Variants in FAN1 observed in about 807,000 individuals in gnomAD.
The protein encoded by FAN1 is fanconi-associated nuclease 1.
FAN1 carries 91 observed loss-of-function variants against 104.9 expected under a neutral mutation model. That is an observed-to-expected ratio of 0.87 (90% confidence interval 0.73 to 1.03). The LOEUF is 1.03. Ranked by LOEUF, FAN1 falls within the 50% of genes least tolerant of loss-of-function variation. The pLI is 0.00. For synonymous variants in FAN1, 478 were observed against 457.6 expected (o/e 1.04, Z -0.57); for missense variants, 1,263 against 1,239.9 (o/e 1.02, Z -0.28).
chr15:30,930,476 TC>T lies in FAN1; in HGVS notation c.2788-64del. The T allele has an allele frequency of 2.0e-6, 3 of 1,529,600 alleles. No individual in the cohort carries two copies. In the East Asian group the frequency reaches 6.9e-5, roughly 35 times the overall value. The allele number at this position is 1,529,600 out of a possible 1,614,324, so 94.8% of individuals were successfully genotyped here. A position where few individuals can be genotyped will look rare whatever the true frequency, so the allele number is the denominator to read the frequency against. On this transcript the variant is annotated intron_variant, in intron 12 of 14. Coordinates refer to ENST00000362065, the MANE Select transcript of FAN1 (RefSeq NM_014967.5). Reference sequence around the variant, plus strand: ...CACTGAGCTTTTCTCCGTCTCGTGATCCCTGGAGCCTATTTCCATTCTCTGT... The same window carrying T: ...CACTGAGCTTTTCTCCGTCTCGTGATCCTGGAGCCTATTTCCATTCTCTGT...
At position 30,920,635 on chromosome 15, in the gene FAN1, G is replaced by C. The variant is rs2062306313; in HGVS notation, c.2034G>C (p.Gln678His). The C allele has an allele frequency of 1.2e-6, 2 of 1,608,072 alleles. No homozygotes were observed. Among genetic ancestry groups the C allele is most frequent in the Non-Finnish European group, 1.7e-6 (2 of 1,175,320 alleles). ...TGTCTCGGTTTGTGGAAATACTGCA[G>C]AGACTTCACATGTATGAGGTTAGAG... ...RILSRFVEILQRLHMYEEAVR... is the reference protein window; with the variant it reads ...RILSRFVEILHRLHMYEEAVR... Residue 678 changes from glutamine (Q) to histidine (H), a missense_variant, in exon 7 of 15, where the codon CAG becomes CAC. Around this residue, in one of 2 missense-constraint regions of FAN1, gnomAD observed 581 missense variants for 668.8 expected, o/e 0.87. Coordinates refer to ENST00000362065, the MANE Select transcript of FAN1 (RefSeq NM_014967.5).
At chr15:30,913,689 C>T (rs1420571241) in intron 4 of FAN1, among the ~76,000 whole-genome samples, 169 bp from the exon 5 acceptor site, 1 of 152,198 alleles carries the variant, frequency 6.6e-6, no homozygotes, top group African/African-American at 2.4e-5. Context: ...CATTCATTTA[C>T]TCCTGTGTAT....
intron 8 of FAN1, among the ~76,000 whole-genome samples, 179 bp downstream of exon 8, chr15:30,922,533 A>G (rs2062359265): frequency 6.6e-6 from 1 of 152,328 alleles, no homozygotes; most frequent in African/African-American, 2.4e-5. Context: ...CCAGCACAGC[A>G]TGAGCATAGA....
In FAN1 at chr15:30,908,114, G is replaced by C. The variant is rs753840240; in HGVS notation, c.1235-4G>C. The C allele has an allele frequency of 6.3e-7, 1 of 1,588,200 alleles. No individual in the cohort carries two copies. Among genetic ancestry groups the C allele is most frequent in the East Asian group, 2.2e-5 (1 of 44,470 alleles). On this transcript the variant is annotated splice_region_variant and splice_polypyrimidine_tract_variant and intron_variant, in intron 2 of 14. Transcript: ENST00000362065. ...TTTCAACATTTTTCTTAACTTTATT[G>C]CAGCTACTGGTCAGAAGTTATATGT...
intron 4 of FAN1, among the ~76,000 whole-genome samples, chr15:30,912,349 C>T (rs2062117159): frequency 6.6e-6 from 1 of 152,222 alleles, no homozygotes; most frequent in Non-Finnish European, 1.5e-5. Flanking sequence ...ACAGAAACAG[C>T]CACATTATTA....
At chr15:30,941,461 C>T in intron 14 of FAN1, 105 bp from the exon 15 acceptor site, 1 of 1,591,166 alleles carries the variant, frequency 6.3e-7, no homozygotes. Flanking sequence ...GTTCAGAAAA[C>T]ACCCTATTTT....
intron 8 of FAN1, 29 bp from the exon 9 acceptor site, chr15:30,925,098 G>A (rs777629384): frequency 1.2e-5 from 19 of 1,585,256 alleles, no homozygotes; most frequent in East Asian, 2.3e-5. Flanking sequence ...TTTTTTAGGA[G>A]CCTGATGTGT....
intron 2 of FAN1, 102 bp from the exon 3 acceptor site, chr15:30,908,016 C>G: frequency 1.1e-6 from 1 of 908,980 alleles, no homozygotes; most frequent in Non-Finnish European, 1.6e-6. Flanking sequence ...AGGCCTTATA[C>G]ATACAGTAAG....
chr15:30,914,259 G>A (rs1163627207), intron 5 of FAN1, among the ~76,000 whole-genome samples, 168 bp downstream of exon 5: 2 of 152,176 alleles, frequency 1.3e-5, no homozygotes, highest in East Asian at 3.8e-4. Flanking sequence ...TAGGGAAAAT[G>A]TAGAAGTGTG....
intron 4 of FAN1, chr15:30,911,562 C>G (rs943793353): frequency 1.0e-6 from 1 of 967,678 alleles, no homozygotes. Context: ...ATATAAATAC[C>G]AACACTTGAA....
In FAN1 at chr15:30,908,099, T is replaced by C; in HGVS notation, c.1235-19T>C. 2 of 1,581,132 alleles carry C rather than the reference T, an allele frequency of 1.3e-6. No homozygotes were observed. Among genetic ancestry groups the C allele is most frequent in the East Asian group, 2.3e-5 (1 of 44,370 alleles). On this transcript the variant is annotated intron_variant, in intron 2 of 14. Transcript: ENST00000362065. The stretch of plus-strand genomic sequence containing the variant: ...GGTAAATGCAGTGATTTTCAACATT[T>C]TTCTTAACTTTATTGCAGCTACTGG...
chr15:30,910,654 T>C lies in FAN1; in HGVS notation c.1416T>C (p.Leu472=). 3 of 1,613,662 alleles carry C rather than the reference T, an allele frequency of 1.9e-6. No individual in the cohort carries two copies. Among genetic ancestry groups the C allele is most frequent in the Non-Finnish European group, 2.5e-6 (3 of 1,179,718 alleles). ...AACTCTCTGAAGTGCTTGAACTCCTTTCTGCTCCTGAACTAAAATCCCTAG... is the reference window on the plus strand; with the variant it reads ...AACTCTCTGAAGTGCTTGAACTCCTCTCTGCTCCTGAACTAAAATCCCTAG... ...LQELSEVLEL[L]SAPELKSLAK... is the part of the protein sequence containing the mutation. Residue 472 remains leucine, a synonymous_variant, in exon 4 of 15, where the codon CTT becomes CTC. Coordinates refer to ENST00000362065, the MANE Select transcript of FAN1 (RefSeq NM_014967.5).
chr15:30,904,967 TCAC>T lies in FAN1; in HGVS notation c.313_315del (p.Pro105del). On this transcript the variant is annotated inframe_deletion, in exon 2 of 15. Transcript: ENST00000362065. ...CTTAGAAGATGTAACACCTAAGAAG[TCAC>T]CACCACCAAAGACAAATTTAACCCC... The T allele has an allele frequency of 6.2e-7, 1 of 1,613,920 alleles. No homozygotes were observed. Among genetic ancestry groups the T allele is most frequent in the Non-Finnish European group, 8.5e-7 (1 of 1,180,000 alleles).
rs2063084069 is a variant in FAN1 at position 30,942,366 on chromosome 15, C to T, written c.*804C>T. The T allele has an allele frequency of 2.2e-6, 1 of 458,604 alleles. No homozygotes were observed. Among genetic ancestry groups the T allele is most frequent in the East Asian group, 3.9e-5 (1 of 25,938 alleles). 28.4% of individuals were successfully genotyped at this position (458,604 alleles called of 1,614,324 possible). A position where few individuals can be genotyped will look rare whatever the true frequency, so the allele number is the denominator to read the frequency against. The stretch of plus-strand genomic sequence containing the variant: ...GTTCTAAGACGGGCTAGAAAAAACA[C>T]TAGACCTGGCCGATTCTATCAAGAA... On this transcript the variant is annotated 3_prime_UTR_variant, in exon 15 of 15. Transcript: ENST00000362065.
rs368454498 is a variant in FAN1, at chr15:30,941,737, G to A, written c.*175G>A. On this transcript the variant is annotated 3_prime_UTR_variant, in exon 15 of 15. Coordinates refer to ENST00000362065, the MANE Select transcript of FAN1 (RefSeq NM_014967.5). ...GCCGCAGCATCCTGCTCAGTACGTCGACTTCATCAGCCAGGAGGGAGAGCT... is the reference window on the plus strand; with the variant it reads ...GCCGCAGCATCCTGCTCAGTACGTCAACTTCATCAGCCAGGAGGGAGAGCT... The A allele has an allele frequency of 2.1e-4, 332 of 1,613,812 alleles. No individual in the cohort carries two copies. The highest frequency in any genetic ancestry group is 4.5e-4 in the Admixed American group (27 of 59,998).
chr15:30,929,734 A>T (rs1169042836), intron 12 of FAN1, among the ~76,000 whole-genome samples: 1 of 55,144 alleles, frequency 1.8e-5, no homozygotes, highest in East Asian at 4.6e-4. Context: ...AAAATATATA[A>T]TATATTATAT....
chr15:30,938,625 C>T (rs1265013466), intron 14 of FAN1, among the ~76,000 whole-genome samples: 1 of 152,122 alleles, frequency 6.6e-6, no homozygotes, highest in Non-Finnish European at 1.5e-5. Context: ...ATGCGCCAGG[C>T]CCGGGAGTCA....
rs1267509809 is a variant in FAN1, at chr15:30,938,994, C to T, written c.*3+1735C>T. 26 of 985,198 alleles carry T rather than the reference C, an allele frequency of 2.6e-5. No homozygotes were observed. The South Asian group carries it at 1.1e-3, about 41-fold the overall frequency. 61.0% of individuals were successfully genotyped at this position (985,198 alleles called of 1,614,324 possible). ...ATCAAAATTTCCTTCACATTCAATA[C>T]TGTTGAACAACAAGATAACACATCT... is the stretch of plus-strand genomic sequence containing the variant. On this transcript the variant is annotated intron_variant, in intron 14 of 14. Transcript: ENST00000362065.
Position 30,904,568 on chromosome 15 carries a change from G to T in FAN1, c.-96G>T, listed in dbSNP as rs1273887405. ...GGTCATATAGAATCCCACTTTTGGT[G>T]ATTTCAAGTCAAGAAAGTAAAAGTA... On this transcript the variant is annotated 5_prime_UTR_variant, in exon 2 of 15. Coordinates refer to ENST00000362065, the MANE Select transcript of FAN1 (RefSeq NM_014967.5). 3.2e-6 allele frequency: 4 copies of T among 1,238,474 alleles called. No individual in the cohort carries two copies. Among genetic ancestry groups the T allele is most frequent in the Non-Finnish European group, 4.7e-6 (4 of 848,422 alleles). 76.7% of individuals were successfully genotyped at this position (1,238,474 alleles called of 1,614,324 possible).
Sources: gnomAD v4.1 joint callset for allele counts (sites outside exome capture counted in the v4.1 genomes callset) on GRCh38, gnomAD v4.1.1 for gene constraint, gnomAD v4.1.1 regional missense constraint, MANE v1.5 for transcripts, NCBI Gene and HGNC (gene_info 2026-07-23, HGNC 2026-07-21) for gene names.